CACNA2D3: variants seen among roughly 807,000 people sequenced by gnomAD.
The protein encoded by CACNA2D3 is calcium voltage-gated channel auxiliary subunit alpha2delta 3, also known as voltage-dependent calcium channel subunit alpha-2/delta-3.
Under a neutral mutation model 160.6 loss-of-function variants are expected in CACNA2D3, and 60 were observed. The observed-to-expected ratio is 0.37, with a 90% CI of 0.30 to 0.46. CACNA2D3 has a LOEUF of 0.46. CACNA2D3 is among the 20% of genes least tolerant of loss of function. CACNA2D3 has a pLI of 1.00. For synonymous variants in CACNA2D3, 558 were observed against 492.9 expected, an observed-to-expected ratio of 1.13 and a Z score of -1.75; for missense variants, 1,205 against 1,365.0, an observed-to-expected ratio of 0.88 and a Z score of 1.85.
chr3:54,890,620 A>G (rs1204024533), intron 24 of CACNA2D3, among the ~76,000 whole-genome samples: 3 of 152,208 alleles, frequency 2.0e-5, no homozygotes, highest in Non-Finnish European at 2.9e-5. Context: ...GCTCAAGCAT[A>G]TAGAATTTGC....
intron 34 of CACNA2D3, among the ~76,000 whole-genome samples, chr3:55,013,994 T>A (rs1461122038): frequency 6.6e-6 from 1 of 152,084 alleles, no homozygotes; most frequent in Non-Finnish European, 1.5e-5. Context: ...TCGGTGTAAC[T>A]GGGATAGGAG....
chr3:54,901,932 G>A (rs1005523548), intron 27 of CACNA2D3, among the ~76,000 whole-genome samples: 18 of 152,160 alleles, frequency 1.2e-4, no homozygotes, highest in Admixed American at 6.5e-4. Flanking sequence ...TGTGTGATTA[G>A]GTTTGGTAAC....
Position 54,631,279 on chromosome 3 carries a change from G to A in CACNA2D3, c.1053+3403G>A, listed in dbSNP as rs570188663. On this transcript the variant is annotated intron_variant, in intron 10 of 37. Coordinates refer to ENST00000474759, the MANE Select transcript of CACNA2D3 (RefSeq NM_018398.3). Reference sequence around the variant, plus strand: ...ATGTCCCAGCTTGAGATTGGTTGGCGATTAACACTATATTTGTTTGAGTGC... The same window carrying A: ...ATGTCCCAGCTTGAGATTGGTTGGCAATTAACACTATATTTGTTTGAGTGC... Among the ~76,000 whole-genome samples, 13 of 151,506 alleles carry A rather than the reference G, an allele frequency of 8.6e-5. No individual in the cohort carries two copies. The South Asian group carries it at 1.2e-3, about 15-fold the overall frequency.
intron 11 of CACNA2D3, among the ~76,000 whole-genome samples, chr3:54,743,047 GA>G (rs1701685363): frequency 6.6e-6 from 1 of 152,222 alleles, no homozygotes; most frequent in South Asian, 2.1e-4. Context: ...GAGTCGCAAT[GA>G]AGGAATGAGC....
intron 29 of CACNA2D3, among the ~76,000 whole-genome samples, chr3:54,977,050 T>C (rs181400982): frequency 2.0e-5 from 3 of 152,356 alleles, no homozygotes; most frequent in South Asian, 2.1e-4. Flanking sequence ...ATATTTGCAA[T>C]TGTACTCTAA....
At chr3:54,830,602 C>A (rs1002455453) in intron 14 of CACNA2D3, among the ~76,000 whole-genome samples, 10 of 151,628 alleles carry the variant, frequency 6.6e-5, no homozygotes, top group African/African-American at 2.2e-4. Flanking sequence ...TACAGGAGTG[C>A]CCCCACCACG....
At chr3:54,601,766 C>T (rs1050093925) in intron 9 of CACNA2D3, among the ~76,000 whole-genome samples, 1 of 151,854 alleles carries the variant, frequency 6.6e-6, no homozygotes, top group South Asian at 2.1e-4. Flanking sequence ...GCATGTGCTT[C>T]TGGAGTCTGA....
At chr3:54,808,545 G>T (rs573873244) in intron 13 of CACNA2D3, among the ~76,000 whole-genome samples, 2 of 152,282 alleles carry the variant, frequency 1.3e-5, no homozygotes, top group Admixed American at 6.5e-5. Context: ...TGAGCCAGTT[G>T]CTGTGGCCGA....
At chr3:54,854,539 T>C (rs1165553489) in intron 17 of CACNA2D3, among the ~76,000 whole-genome samples, 1 of 152,100 alleles carries the variant, frequency 6.6e-6, no homozygotes, top group Admixed American at 6.5e-5. Context: ...TTTTTTATTA[T>C]GGACAGTGTG....
At chr3:54,140,883 T>C (rs565385747) in intron 2 of CACNA2D3, among the ~76,000 whole-genome samples, 2 of 152,294 alleles carry the variant, frequency 1.3e-5, no homozygotes, top group South Asian at 2.1e-4. Flanking sequence ...GGAGAATGAA[T>C]GAACACTTTA....
At chr3:54,808,273 A>T (rs190690586) in intron 13 of CACNA2D3, among the ~76,000 whole-genome samples, 92 of 152,318 alleles carry the variant, frequency 6.0e-4, no homozygotes, top group African/African-American at 2.2e-3. Flanking sequence ...AATAGCTTAT[A>T]CTGAGCTGAA....
chr3:54,631,118 C>T (rs1259691250), intron 10 of CACNA2D3, among the ~76,000 whole-genome samples: 3 of 151,822 alleles, frequency 2.0e-5, no homozygotes, highest in Admixed American at 6.6e-5. Context: ...GCAGGAGAAT[C>T]GCTTGAACCC....
Position 55,025,851 on chromosome 3 carries a change from C to T in CACNA2D3, c.2987+7534C>T, listed in dbSNP as rs141871090. Among the ~76,000 whole-genome samples, 5 of 152,036 alleles carry T rather than the reference C, an allele frequency of 3.3e-5. No homozygotes were observed. In the East Asian group the frequency reaches 9.7e-4, roughly 29 times the overall value. ...CTTTCCAAGCTTTATTTCAAGACCA[C>T]CACCTGGCAGGTCAGTCATACACTG... On this transcript the variant is annotated intron_variant, in intron 35 of 37. Transcript: ENST00000474759.
rs190111186 is a variant in CACNA2D3 at position 54,685,549 on chromosome 3, A to G, written c.1167+43308A>G. ...CTAGAAGCTGTATATTACAGTGACT[A>G]AGAAACAGATCCTGGGGAAAATACA... On this transcript the variant is annotated intron_variant, in intron 11 of 37. Coordinates refer to ENST00000474759, the MANE Select transcript of CACNA2D3 (RefSeq NM_018398.3). 2.1e-3 allele frequency among the ~76,000 whole-genome samples: 318 copies of G among 152,344 alleles called. 1 individual carries two copies. Among genetic ancestry groups the G allele is most frequent in the African/African-American group, 7.2e-3 (301 of 41,586 alleles).
intron 11 of CACNA2D3, among the ~76,000 whole-genome samples, chr3:54,748,566 C>T (rs1007485259): frequency 8.6e-5 from 13 of 151,656 alleles, no homozygotes; most frequent in African/African-American, 3.2e-4. Flanking sequence ...GAGGCTGATG[C>T]AGACTTTTTT....
intron 24 of CACNA2D3, among the ~76,000 whole-genome samples, chr3:54,890,453 G>A (rs904641288): frequency 2.2e-5 from 3 of 137,094 alleles, no homozygotes; most frequent in African/African-American, 8.3e-5. Flanking sequence ...CCGAGATAGC[G>A]CCATTGCACT....
At chr3:54,987,848 C>G in intron 31 of CACNA2D3, 95 bp downstream of exon 31, 1 of 847,990 alleles carries the variant, frequency 1.2e-6, no homozygotes, top group Non-Finnish European at 1.8e-6. Flanking sequence ...AGACTTGACC[C>G]TGTGGCTGGT....
chr3:54,782,238 TA>T lies in CACNA2D3; in HGVS notation c.1380+17888del, dbSNP rs1305570735. On this transcript the variant is annotated intron_variant, in intron 13 of 37. Transcript: ENST00000474759. ...AGACTAAAATTAGCATTCACATTTG[TA>T]TCAAAACATCTACTCTGAAGTATTC... Among the ~76,000 whole-genome samples the T allele has an allele frequency of 6.6e-5, 10 of 152,248 alleles. No individual in the cohort carries two copies. In the South Asian group the frequency reaches 8.3e-4, roughly 13 times the overall value.
Position 54,986,429 on chromosome 3 carries a change from C to T in CACNA2D3, c.2620-1254C>T, listed in dbSNP as rs551575085. ...CATTGAAACTGGCACATTACACACA[C>T]GAAATACAAATGTCCTTCTTGCTCC... On this transcript the variant is annotated intron_variant, in intron 30 of 37. Coordinates refer to ENST00000474759, the MANE Select transcript of CACNA2D3 (RefSeq NM_018398.3). Among the ~76,000 whole-genome samples, 14 of 152,266 alleles carry T rather than the reference C, an allele frequency of 9.2e-5. No homozygotes were observed. The Middle Eastern group carries it at 0.01, about 111-fold the overall frequency.
Sources: gnomAD v4.1 joint callset for allele counts (sites outside exome capture counted in the v4.1 genomes callset) on GRCh38, gnomAD v4.1.1 for gene constraint, MANE v1.5 for transcripts, NCBI Gene and HGNC (gene_info 2026-07-23, HGNC 2026-07-21) for gene names.